Variants in DISP1 observed in about 807,000 individuals in gnomAD.
The protein encoded by DISP1 is dispatched RND transporter family member 1.
Under a neutral mutation model 37.3 loss-of-function variants are expected in DISP1, and 30 were observed. The observed-to-expected ratio is 0.80, with a 90% confidence interval of 0.60 to 1.09. DISP1 has a LOEUF of 1.09. DISP1 is among the 50% of genes least tolerant of loss of function. DISP1 has a pLI of 0.00. For missense variants in DISP1, 1,598 were observed against 1,879.5 expected, an observed-to-expected ratio of 0.85 and a Z score of 2.77; for synonymous variants, 634 against 690.2, an observed-to-expected ratio of 0.92 and a Z score of 1.28.
At chr1:222,993,308 A>C (rs1210866439) in intron 7 of DISP1, among the ~76,000 whole-genome samples, 8 of 152,232 alleles carry the variant, frequency 5.3e-5, no homozygotes. Context: ...AGAGGACATG[A>C]ATATAAGTAT....
chr1:222,890,324 T>C lies in DISP1; in HGVS notation c.-158-38106T>C, dbSNP rs186273888. Among the ~76,000 whole-genome samples, 449 of 152,262 alleles carry C rather than the reference T, an allele frequency of 2.9e-3. 3 individuals are homozygous for C. Among genetic ancestry groups the C allele is most frequent in the African/African-American group, 0.01 (436 of 41,548 alleles). On this transcript the variant is annotated intron_variant, in intron 1 of 8. Coordinates refer to ENST00000675850, the MANE Select transcript of DISP1 (RefSeq NM_001377229.1). ...TGGAGGGAGAAATAAGTAATAAATG[T>C]GGTAAGTGCTTAAATAAATGATTAA...
chr1:222,911,415 G>A lies in DISP1; in HGVS notation c.-158-17015G>A, dbSNP rs541720507. On this transcript the variant is annotated intron_variant, in intron 1 of 8. Coordinates refer to ENST00000675850, the MANE Select transcript of DISP1 (RefSeq NM_001377229.1). ...TTTGCTTCAAGTATAAAACTGTAGA[G>A]CAAGGGTTAAGGAACTCTTAAAGGA... Among the ~76,000 whole-genome samples the A allele has an allele frequency of 9.2e-5, 14 of 152,284 alleles. No individual in the cohort carries two copies. In the South Asian group the frequency reaches 2.9e-3, roughly 32 times the overall value.
chr1:222,936,991 A>C, intron 2 of DISP1, among the ~76,000 whole-genome samples: 1 of 85,496 alleles, frequency 1.2e-5, no homozygotes, highest in Non-Finnish European at 2.5e-5. Context: ...AATATATATA[A>C]TATTATATAA....
At chr1:222,868,366 T>C (rs1346595879) in intron 1 of DISP1, among the ~76,000 whole-genome samples, 2 of 152,086 alleles carry the variant, frequency 1.3e-5, no homozygotes, top group Admixed American at 1.3e-4. Context: ...TGTGTATATA[T>C]GTTTATATAT....
chr1:222,909,744 A>G (rs1413931730), intron 1 of DISP1, among the ~76,000 whole-genome samples: 1 of 152,236 alleles, frequency 6.6e-6, no homozygotes, highest in African/African-American at 2.4e-5. Context: ...ATAGAAAGTG[A>G]TAAGTAGGCC....
At chr1:222,984,447 G>T (rs1438736777) in intron 4 of DISP1, among the ~76,000 whole-genome samples, 1 of 140,806 alleles carries the variant, frequency 7.1e-6, no homozygotes, top group African/African-American at 2.6e-5. Flanking sequence ...GAGAGAGAGA[G>T]AGAGAGAGAG....
At chr1:222,966,754 T>A (rs1676522201) in intron 3 of DISP1, among the ~76,000 whole-genome samples, 2 of 152,172 alleles carry the variant, frequency 1.3e-5, no homozygotes, top group African/African-American at 2.4e-5. Context: ...CATAGATGTG[T>A]ACATATGTAA....
intron 1 of DISP1, among the ~76,000 whole-genome samples, chr1:222,927,233 G>A (rs1353616888): frequency 6.6e-6 from 1 of 151,946 alleles, no homozygotes; most frequent in Non-Finnish European, 1.5e-5. Context: ...CAGAATGGTG[G>A]ATGTGAAGTG....
intron 1 of DISP1, among the ~76,000 whole-genome samples, chr1:222,823,327 A>AAC (rs372482063): frequency 4.6e-5 from 7 of 152,112 alleles, no homozygotes; most frequent in African/African-American, 1.7e-4. Context: ...GTGTACACAC[A>AAC]ACACACACAC....
chr1:222,894,479 G>A (rs1005828786), intron 1 of DISP1, among the ~76,000 whole-genome samples: 1 of 152,204 alleles, frequency 6.6e-6, no homozygotes, highest in East Asian at 1.9e-4. Context: ...GCACACACCC[G>A]CCCGGGTTGC....
chr1:223,005,481 C>T lies in DISP1; in HGVS notation c.4084C>T (p.His1362Tyr). 2 of 1,613,908 alleles carry T rather than the reference C, an allele frequency of 1.2e-6. No homozygotes were observed. Among genetic ancestry groups the T allele is most frequent in the Non-Finnish European group, 1.7e-6 (2 of 1,180,028 alleles). ...PRNFFLHPVQ[H>Y]IQAQEKIGKT... ...GAATTTTTTCCTCCACCCAGTGCAG[C>T]ACATTCAGGCCCAAGAAAAAATTGG... Residue 1362 changes from histidine (H) to tyrosine (Y), a missense_variant, in exon 9 of 9, where the codon CAC (histidine) becomes TAC (tyrosine). Physicochemically the swap from His to Tyr is moderately conservative, Grantham distance 83. Transcript: ENST00000675850.
chr1:222,968,802 G>T (rs761541032), intron 3 of DISP1, among the ~76,000 whole-genome samples: 1 of 151,772 alleles, frequency 6.6e-6, no homozygotes, highest in Non-Finnish European at 1.5e-5. Context: ...GCATGGTGGC[G>T]CATGCCTGTA....
chr1:222,850,499 A>G (rs1668163590), intron 1 of DISP1, among the ~76,000 whole-genome samples: 2 of 151,988 alleles, frequency 1.3e-5, no homozygotes, highest in South Asian at 4.1e-4. Flanking sequence ...ATAGGTAAAC[A>G]TGTATCATGG....
chr1:222,973,777 C>T (rs898292619), intron 3 of DISP1, among the ~76,000 whole-genome samples: 2 of 152,182 alleles, frequency 1.3e-5, no homozygotes, highest in Admixed American at 1.3e-4. Context: ...TTTCAGTTCA[C>T]AAGCAATACC....
At chr1:222,996,929 T>C (rs1292101675) in intron 8 of DISP1, among the ~76,000 whole-genome samples, 1 of 152,128 alleles carries the variant, frequency 6.6e-6, no homozygotes, top group Non-Finnish European at 1.5e-5. Context: ...ATTTATTCCA[T>C]GAGTACATGT....
chr1:222,985,063 G>A (rs1283221992), intron 4 of DISP1, among the ~76,000 whole-genome samples: 1 of 151,996 alleles, frequency 6.6e-6, no homozygotes, highest in Non-Finnish European at 1.5e-5. Flanking sequence ...AAGAGAGAAA[G>A]AAAAAATGAG....
intron 2 of DISP1, among the ~76,000 whole-genome samples, chr1:222,929,815 C>T (rs1418460856): frequency 6.6e-6 from 1 of 151,966 alleles, no homozygotes; most frequent in Non-Finnish European, 1.5e-5. Flanking sequence ...CTTTCATTGC[C>T]AACGTATCAA....
At chr1:222,872,423 T>C (rs943978870) in intron 1 of DISP1, 1 of 152,196 alleles carries the variant, frequency 6.6e-6, no homozygotes, top group African/African-American at 2.4e-5. Context: ...TCCTGGACTT[T>C]TTTTGGTTGG....
At chr1:222,852,964 T>G (rs547599705) in intron 1 of DISP1, among the ~76,000 whole-genome samples, 6 of 152,326 alleles carry the variant, frequency 3.9e-5, no homozygotes, top group Non-Finnish European at 7.4e-5. Context: ...TCTGTGTATA[T>G]ATACCAAATG....
Sources: gnomAD v4.1 joint callset for allele counts (sites outside exome capture counted in the v4.1 genomes callset) on GRCh38, gnomAD v4.1.1 for gene constraint, MANE v1.5 for transcripts, NCBI Gene and HGNC (gene_info 2026-07-23, HGNC 2026-07-21) for gene names.